HNF4A: variants seen among roughly 807,000 people sequenced by gnomAD.
The protein encoded by HNF4A is hepatocyte nuclear factor 4-alpha.
Under a neutral mutation model 52.4 loss-of-function variants are expected in HNF4A, and 15 were observed. That is an observed-to-expected ratio of 0.29 (90% CI 0.19 to 0.44). The LOEUF (loss-of-function observed/expected upper bound fraction) is 0.44. Among genes scored for constraint, HNF4A ranks in the 20% least tolerant of loss-of-function variants. The pLI, the probability that HNF4A is intolerant of heterozygous loss-of-function variation, is 1.00. For synonymous variants in HNF4A, 280 were observed against 264.4 expected (o/e 1.06, Z -0.57); for missense variants, 479 against 647.2 (o/e 0.74, Z 2.82).
chr20:44,430,324 C>T lies in HNF4A; in HGVS notation c.*659C>T, dbSNP rs1353282047. On this transcript the variant is annotated 3_prime_UTR_variant, in exon 10 of 10. Coordinates refer to ENST00000316099, the MANE Select transcript of HNF4A (RefSeq NM_000457.6). The stretch of plus-strand genomic sequence containing the variant: ...AGAAGGCTGTGGTGAGGGAAGACGC[C>T]TTTCTCCTCCAACCCAACCTCATCC... 6.6e-6 allele frequency: 1 copy of T among 152,538 alleles called. No individual in the cohort carries two copies. The highest frequency in any genetic ancestry group is 1.5e-5 in the Non-Finnish European group (1 of 68,196). 9.4% of individuals were successfully genotyped at this position (152,538 alleles called of 1,614,324 possible).
intron 1 of HNF4A, among the ~76,000 whole-genome samples, chr20:44,376,192 G>T (rs1045755832): frequency 2.6e-5 from 4 of 152,184 alleles, no homozygotes; most frequent in Non-Finnish European, 4.4e-5. Context: ...TTCAACCCGG[G>T]AGGCAGAGGT....
intron 7 of HNF4A, among the ~76,000 whole-genome samples, chr20:44,421,001 C>T (rs1007538963): frequency 5.3e-5 from 8 of 152,154 alleles, no homozygotes; most frequent in Non-Finnish European, 8.8e-5. Flanking sequence ...TTTGTTGATG[C>T]ATCCATTTTG....
chr20:44,417,287 C>T (rs1212608687), intron 5 of HNF4A, among the ~76,000 whole-genome samples: 1 of 152,218 alleles, frequency 6.6e-6, no homozygotes, highest in Non-Finnish European at 1.5e-5. Flanking sequence ...CTTTGGTCCT[C>T]AGGCAAGCAC....
chr20:44,373,467 C>A (rs1464758843), intron 1 of HNF4A, among the ~76,000 whole-genome samples: 1 of 152,118 alleles, frequency 6.6e-6, no homozygotes, highest in Non-Finnish European at 1.5e-5. Context: ...AGCCACCACA[C>A]CCAGCCTAGT....
chr20:44,421,878 T>G (rs2063751731), intron 7 of HNF4A, among the ~76,000 whole-genome samples: 2 of 147,272 alleles, frequency 1.4e-5, no homozygotes, highest in Non-Finnish European at 3.0e-5. Flanking sequence ...ATATATATTT[T>G]ATATATATAT....
chr20:44,411,792 G>T (rs2063587507), intron 3 of HNF4A, among the ~76,000 whole-genome samples: 1 of 152,124 alleles, frequency 6.6e-6, no homozygotes. Flanking sequence ...CAGGTGTGGT[G>T]CCTCGCACCT....
chr20:44,370,150 C>G (rs368449160), intron 1 of HNF4A, among the ~76,000 whole-genome samples: 29 of 152,334 alleles, frequency 1.9e-4, no homozygotes, highest in East Asian at 1.5e-3. Flanking sequence ...CCTCAGCCCC[C>G]CCAAGTAGCT....
At chr20:44,426,895 A>T (rs1411272930) in intron 8 of HNF4A, among the ~76,000 whole-genome samples, 4 of 152,160 alleles carry the variant, frequency 2.6e-5, no homozygotes, top group Non-Finnish European at 5.9e-5. Flanking sequence ...TTTTGCAGCG[A>T]TGGTATTAGA....
intron 1 of HNF4A, among the ~76,000 whole-genome samples, chr20:44,361,457 CT>C (rs1411826165): frequency 1.3e-5 from 2 of 152,166 alleles, no homozygotes; most frequent in Non-Finnish European, 2.9e-5. Flanking sequence ...CCACTGGAGG[CT>C]TATGGTATTT....
intron 1 of HNF4A, among the ~76,000 whole-genome samples, chr20:44,362,552 G>GC (rs1361858390): frequency 4.6e-5 from 7 of 151,674 alleles, no homozygotes; most frequent in Non-Finnish European, 7.4e-5. Flanking sequence ...TTTCATTTAA[G>GC]CCCCTTTTAT....
At chr20:44,390,643 T>G in intron 1 of HNF4A, 1 of 702,464 alleles carries the variant, frequency 1.4e-6, no homozygotes, top group Non-Finnish European at 2.6e-6. Flanking sequence ...GAGGAGGATG[T>G]CGGACTGGGG....
chr20:44,357,139 CT>C (rs1301602891), intron 1 of HNF4A, among the ~76,000 whole-genome samples: 5 of 152,160 alleles, frequency 3.3e-5, no homozygotes, highest in African/African-American at 9.6e-5. Flanking sequence ...ATCTTCTTTG[CT>C]TTGACCCCCA....
intron 1 of HNF4A, among the ~76,000 whole-genome samples, chr20:44,358,421 C>T (rs1200535759): frequency 6.6e-6 from 1 of 151,808 alleles, no homozygotes; most frequent in African/African-American, 2.4e-5. Flanking sequence ...ACCAGCCTGG[C>T]CAACATGGCA....
At chr20:44,357,842 A>T (rs1440884185) in intron 1 of HNF4A, among the ~76,000 whole-genome samples, 5 of 142,694 alleles carry the variant, frequency 3.5e-5, no homozygotes, top group African/African-American at 1.0e-4. Context: ...GTTCAAGATT[A>T]AAAAAAAAAC....
At chr20:44,367,797 C>A (rs79624256) in intron 1 of HNF4A, among the ~76,000 whole-genome samples, 1,591 of 151,926 alleles carry the variant, frequency 0.01, 27 homozygotes, top group African/African-American at 0.037. Context: ...TAAATTACTC[C>A]TTTAATCCTC....
rs2063293362 is a variant in HNF4A at position 44,390,786 on chromosome 20, T to G, written c.50-15272T>G. On this transcript the variant is annotated intron_variant, in intron 1 of 9. Coordinates refer to the HNF4A transcript ENST00000316673. ...GACTGGGAGCAGTGTGGAGGATTTG[T>G]ACCCTCATCCCCTAACCCAGGAACG... The G allele has an allele frequency of 4.8e-5, 31 of 644,312 alleles. 1 individual carries two copies. Among genetic ancestry groups the G allele is most frequent in the South Asian group, 4.0e-4 (23 of 56,946 alleles). 39.9% of individuals were successfully genotyped at this position (644,312 alleles called of 1,614,324 possible).
chr20:44,390,698 A>G (rs1405457864), intron 1 of HNF4A: 4 of 700,838 alleles, frequency 5.7e-6, no homozygotes, highest in Non-Finnish European at 1.0e-5. Context: ...CTGACTCCAC[A>G]TCTGCCTGGA....
At chr20:44,359,996 CT>C (rs1461943416) in intron 1 of HNF4A, among the ~76,000 whole-genome samples, 1 of 152,178 alleles carries the variant, frequency 6.6e-6, no homozygotes, top group Non-Finnish European at 1.5e-5. Flanking sequence ...CTTATTTTCC[CT>C]TTAACAAGTT....
intron 8 of HNF4A, chr20:44,424,696 C>G: frequency 3.1e-6 from 3 of 981,178 alleles, no homozygotes; most frequent in Non-Finnish European, 4.1e-6. Context: ...GGAGACCTCT[C>G]TGAAGTGGTG....
Sources: allele counts gnomAD v4.1 joint callset (sites outside exome capture counted in the v4.1 genomes callset), GRCh38; gene constraint gnomAD v4.1.1; transcripts MANE v1.5; gene names NCBI Gene and HGNC (gene_info 2026-07-23, HGNC 2026-07-21).